Variants in NIPBL observed in about 807,000 individuals in gnomAD.
NIPBL encodes nipped-B-like protein.
A neutral mutation model predicts 321.8 loss-of-function variants in NIPBL; 19 were observed. The observed-to-expected ratio is 0.06, with a 90% confidence interval of 0.04 to 0.09. NIPBL has a LOEUF of 0.09. NIPBL is among the 10% of genes least tolerant of loss of function. The pLI is 1.00. For synonymous variants in NIPBL, 1,106 were observed against 1,114.1 expected (o/e 0.99, Z 0.14); for missense variants, 2,210 against 3,327.0 (o/e 0.66, Z 8.26).
Position 36,903,347 on chromosome 5 carries a change from G to A in NIPBL, c.-80+26169G>A, listed in dbSNP as rs111769082. 3.9e-4 allele frequency among the ~76,000 whole-genome samples: 59 copies of A among 152,270 alleles called. 1 individual carries two copies. The highest frequency in any genetic ancestry group is 1.4e-3 in the African/African-American group (57 of 41,536). Reference sequence around the variant, plus strand: ...GAGAGGGCATCCTTGTCTTGTTCCAGTTCTTAAGGGGAATGCTCCCAGCTT... The same window carrying A: ...GAGAGGGCATCCTTGTCTTGTTCCAATTCTTAAGGGGAATGCTCCCAGCTT... On this transcript the variant is annotated intron_variant, in intron 1 of 46. Transcript: ENST00000282516.
At chr5:36,961,347 T>C (rs1384255000) in intron 4 of NIPBL, 137 bp from the exon 5 acceptor site, 2 of 662,504 alleles carry the variant, frequency 3.0e-6, no homozygotes, top group African/African-American at 1.8e-5. Flanking sequence ...TTACAGCGTC[T>C]ATATTTTGCT....
At chr5:36,895,042 A>G (rs1435710575) in intron 1 of NIPBL, among the ~76,000 whole-genome samples, 1 of 152,154 alleles carries the variant, frequency 6.6e-6, no homozygotes, top group Non-Finnish European at 1.5e-5. Context: ...TAAAGTGTAA[A>G]ACTCAGTGAT....
intron 1 of NIPBL, among the ~76,000 whole-genome samples, chr5:36,929,979 T>TGTA (rs1749657831): frequency 6.6e-6 from 1 of 152,072 alleles, no homozygotes; most frequent in African/African-American, 2.4e-5. Flanking sequence ...TCTTGATTAC[T>TGTA]GTAGCTTCAT....
At chr5:36,973,721 G>A (rs939937907) in intron 8 of NIPBL, among the ~76,000 whole-genome samples, 6 of 151,970 alleles carry the variant, frequency 3.9e-5, no homozygotes, top group East Asian at 1.9e-4. Context: ...TGCCCGCCTC[G>A]GCCTCCCAAA....
intron 12 of NIPBL, 85 bp from the exon 13 acceptor site, chr5:37,000,732 C>A: frequency 2.2e-6 from 3 of 1,349,006 alleles, no homozygotes; most frequent in Non-Finnish European, 3.1e-6. Flanking sequence ...AAGTCTTTAA[C>A]GTTCAGGAAA....
chr5:36,908,686 G>A (rs1331320406), intron 1 of NIPBL, among the ~76,000 whole-genome samples: 2 of 152,108 alleles, frequency 1.3e-5, no homozygotes, highest in African/African-American at 2.4e-5. Flanking sequence ...TCTCTTCAGT[G>A]TCCAAAATTG....
chr5:37,038,502 C>A, intron 33 of NIPBL, 100 bp from the exon 34 acceptor site: 1 of 1,025,432 alleles, frequency 9.8e-7, no homozygotes, highest in Non-Finnish European at 1.5e-6. Context: ...CTATACTGGA[C>A]CTATTTAGGG....
rs1749436302 is a variant in NIPBL, at chr5:36,927,255, CAAG to C, written c.-79-26362_-79-26360del. 3.9e-5 allele frequency among the ~76,000 whole-genome samples: 6 copies of C among 152,146 alleles called. No homozygotes were observed. In the South Asian group the frequency reaches 1.2e-3, roughly 32 times the overall value. ...TTACATATTATAAGTATTGTTTTCT[CAAG>C]GAGGATACAGGCATATTTTACTGAG... On this transcript the variant is annotated intron_variant, in intron 1 of 46. Transcript: ENST00000282516.
intron 39 of NIPBL, 25 bp from the exon 40 acceptor site, chr5:37,049,086 G>A (rs1753262905): frequency 6.2e-7 from 1 of 1,612,148 alleles, no homozygotes; most frequent in Admixed American, 1.7e-5. Flanking sequence ...CTTAATGTGT[G>A]TTTATCCTTT....
chr5:36,925,629 A>G (rs1749300206), intron 1 of NIPBL, among the ~76,000 whole-genome samples: 1 of 152,172 alleles, frequency 6.6e-6, no homozygotes, highest in South Asian at 2.1e-4. Flanking sequence ...TATTTGAGGA[A>G]ACCCTCAAAG....
intron 1 of NIPBL, among the ~76,000 whole-genome samples, chr5:36,925,408 A>G (rs780575316): frequency 1.3e-5 from 2 of 151,706 alleles, no homozygotes; most frequent in African/African-American, 4.8e-5. Context: ...AGCTGGGATT[A>G]CAGGCATGTA....
At chr5:36,897,036 A>ACT (rs1746800792) in intron 1 of NIPBL, among the ~76,000 whole-genome samples, 1 of 150,208 alleles carries the variant, frequency 6.7e-6, no homozygotes. Flanking sequence ...GGAGTCTTGC[A>ACT]CTGTCACCCG....
intron 1 of NIPBL, among the ~76,000 whole-genome samples, chr5:36,880,494 G>C (rs1745422318): frequency 1.3e-5 from 2 of 152,040 alleles, no homozygotes; most frequent in Middle Eastern, 6.8e-3. Context: ...GGGAGTGTGA[G>C]GTAAACAGTA....
rs1000227399 is a variant in NIPBL, at chr5:37,066,304, A to G, written c.*1412A>G. 2.0e-5 allele frequency: 3 copies of G among 152,166 alleles called. No homozygotes were observed. Among genetic ancestry groups the G allele is most frequent in the African/African-American group, 7.2e-5 (3 of 41,452 alleles). 9.4% of individuals were successfully genotyped at this position (152,166 alleles called of 1,614,324 possible). A position where few individuals can be genotyped will look rare whatever the true frequency, so the allele number is the denominator to read the frequency against. ...CACTTTGAAAAAATTGACCTCCAGA[A>G]TGCTGTTTTATGAAATTGGCAAATA... On this transcript the variant is annotated 3_prime_UTR_variant, in exon 47 of 47. Coordinates refer to ENST00000282516, the MANE Select transcript of NIPBL (RefSeq NM_133433.4).
intron 1 of NIPBL, among the ~76,000 whole-genome samples, chr5:36,901,232 T>C (rs942701970): frequency 8.5e-5 from 13 of 152,232 alleles, no homozygotes; most frequent in Non-Finnish European, 1.6e-4. Flanking sequence ...TTGCTTAAGA[T>C]AATGGCCTCC....
chr5:36,878,764 A>C (rs896241837), intron 1 of NIPBL, among the ~76,000 whole-genome samples: 1 of 152,208 alleles, frequency 6.6e-6, no homozygotes, highest in African/African-American at 2.4e-5. Flanking sequence ...CGTACTAGGC[A>C]TGTTTTTAAT....
chr5:37,000,238 G>C (rs1316305260), intron 11 of NIPBL, 135 bp from the exon 12 acceptor site: 3 of 796,994 alleles, frequency 3.8e-6, no homozygotes, highest in African/African-American at 1.7e-5. Flanking sequence ...TAAACTTCTG[G>C]ATAGACAAAA....
At chr5:37,043,788 A>G (rs1752698280) in intron 34 of NIPBL, among the ~76,000 whole-genome samples, 1 of 152,182 alleles carries the variant, frequency 6.6e-6, no homozygotes, top group South Asian at 2.1e-4. Flanking sequence ...CAACCTCAGC[A>G]CTATTGACAG....
intron 1 of NIPBL, among the ~76,000 whole-genome samples, chr5:36,940,547 G>GT (rs1312615918): frequency 6.6e-6 from 1 of 152,078 alleles, no homozygotes; most frequent in Non-Finnish European, 1.5e-5. Context: ...GCCTTTGCCT[G>GT]TTTAACTCTT....
Sources: allele counts gnomAD v4.1 joint callset (sites outside exome capture counted in the v4.1 genomes callset), GRCh38; gene constraint gnomAD v4.1.1; transcripts MANE v1.5; gene names NCBI Gene and HGNC (gene_info 2026-07-23, HGNC 2026-07-21).